Variants in USP25 observed in about 807,000 individuals in gnomAD.
The protein encoded by USP25 is ubiquitin specific peptidase 25, also known as ubiquitin carboxyl-terminal hydrolase 25.
In USP25, 85 loss-of-function variants were observed where a neutral mutation model predicts 158.5. The observed-to-expected ratio is 0.54, with a 90% confidence interval of 0.45 to 0.64. The LOEUF (loss-of-function observed/expected upper bound fraction) is 0.64, where lower values mean the gene tolerates loss of function less well. Among genes scored for constraint, USP25 ranks in the 30% least tolerant of loss-of-function variants. The pLI, the probability that USP25 is intolerant of heterozygous loss-of-function variation, is 0.00. For synonymous variants in USP25, 464 were observed against 460.4 expected (o/e 1.01, Z -0.10); for missense variants, 1,242 against 1,327.3 (o/e 0.94, Z 1.00).
At chr21:15,828,668 T>C (rs910005819) in intron 14 of USP25, among the ~76,000 whole-genome samples, 2 of 152,224 alleles carry the variant, frequency 1.3e-5, no homozygotes, top group African/African-American at 4.8e-5. Flanking sequence ...AGACGGAGTC[T>C]CGCTCTGTCA....
chr21:15,783,592 A>G (rs2035092806), intron 4 of USP25, among the ~76,000 whole-genome samples: 1 of 152,132 alleles, frequency 6.6e-6, no homozygotes, highest in African/African-American at 2.4e-5. Context: ...CAGTGCTGGG[A>G]AAAAATAAAA....
intron 3 of USP25, among the ~76,000 whole-genome samples, chr21:15,774,562 C>G (rs1016252818): frequency 2.0e-5 from 3 of 152,016 alleles, no homozygotes; most frequent in South Asian, 2.1e-4. Flanking sequence ...GTTAGTTTTT[C>G]TTTTAAATAA....
chr21:15,797,304 A>G lies in USP25; in HGVS notation c.556-2453A>G, dbSNP rs1024537028. On this transcript the variant is annotated intron_variant, in intron 5 of 25. Coordinates refer to ENST00000400183, the MANE Select transcript of USP25 (RefSeq NM_001283041.3). The stretch of plus-strand genomic sequence containing the variant: ...AATAGGAATCAAATAGTATAAACAT[A>G]AAGAATACTGCACCAAAGTACATCA... 1.9e-4 allele frequency among the ~76,000 whole-genome samples: 29 copies of G among 151,420 alleles called. 1 individual carries two copies. Among genetic ancestry groups the G allele is most frequent in the Non-Finnish European group, 1.2e-4 (8 of 67,512 alleles).
At chr21:15,814,159 G>A (rs1440415961) in intron 9 of USP25, among the ~76,000 whole-genome samples, 1 of 149,390 alleles carries the variant, frequency 6.7e-6, no homozygotes, top group African/African-American at 2.5e-5. Flanking sequence ...TTTATCTGGG[G>A]TTTCCACTTT....
At chr21:15,815,435 G>A (rs931449893) in intron 9 of USP25, among the ~76,000 whole-genome samples, 2 of 152,290 alleles carry the variant, frequency 1.3e-5, no homozygotes, top group Non-Finnish European at 1.5e-5. Context: ...CTTGCATTGT[G>A]TACCTGGAAA....
intron 22 of USP25, among the ~76,000 whole-genome samples, chr21:15,868,779 G>A (rs947579421): frequency 2.6e-5 from 4 of 152,020 alleles, no homozygotes; most frequent in African/African-American, 9.7e-5. Flanking sequence ...AATATTATCT[G>A]GCCTTTTACA....
chr21:15,847,575 G>A (rs2038682026), intron 18 of USP25, 88 bp from the exon 19 acceptor site: 2 of 852,108 alleles, frequency 2.3e-6, no homozygotes, highest in African/African-American at 3.4e-5. Context: ...GCTGCTTAGG[G>A]ATGTGCAGGT....
rs140806287 is a variant in USP25, at chr21:15,866,799, A to C, written c.2805+455A>C. Among the ~76,000 whole-genome samples, 26 of 152,278 alleles carry C rather than the reference A, an allele frequency of 1.7e-4. 1 individual carries two copies. The highest frequency in any genetic ancestry group is 1.6e-3 in the Admixed American group (25 of 15,292). ...CAGACAGTAACACTGTAAGATAGGT[A>C]GTGTTCTTATTCCCATTTGACACAC... On this transcript the variant is annotated intron_variant, in intron 22 of 25. Coordinates refer to ENST00000400183, the MANE Select transcript of USP25 (RefSeq NM_001283041.3).
chr21:15,855,859 T>C (rs1276096330), intron 20 of USP25, among the ~76,000 whole-genome samples: 3 of 152,248 alleles, frequency 2.0e-5, no homozygotes, highest in Non-Finnish European at 4.4e-5. Flanking sequence ...TATCTGGACT[T>C]CTAACAACAT....
rs150578833 is a variant in USP25 at position 15,827,044 on chromosome 21, A to G, written c.1534A>G (p.Ile512Val). ...CACATCACCTTCATCAGTTGCTGCCATTTCATCGAGATCAGTAATACACAA... is the reference window on the plus strand; with the variant it reads ...CACATCACCTTCATCAGTTGCTGCCGTTTCATCGAGATCAGTAATACACAA... ...PSTSPSSVAAISSRSVIHKPF... is the reference protein window; with the variant it reads ...PSTSPSSVAAVSSRSVIHKPF... Residue 512 changes from isoleucine to valine, a missense_variant, in exon 14 of 26, where the codon ATT (isoleucine) becomes GTT (valine). Physicochemically the swap from Ile to Val is conservative, Grantham distance 29 (BLOSUM62 3). This residue lies in a region of USP25 where 627 missense variants were observed against 701.4 expected (regional missense o/e 0.89). Transcript: ENST00000400183. The G allele has an allele frequency of 1.1e-5, 18 of 1,614,018 alleles. No individual in the cohort carries two copies. The highest frequency in any genetic ancestry group is 3.3e-5 in the South Asian group (3 of 91,080).
chr21:15,796,089 G>C lies in USP25; in HGVS notation c.556-3668G>C, dbSNP rs78882443. 8.2e-3 allele frequency among the ~76,000 whole-genome samples: 1,247 copies of C among 151,554 alleles called. 13 individuals carry two copies. Among genetic ancestry groups the C allele is most frequent in the African/African-American group, 0.026 (1,075 of 41,422 alleles). On this transcript the variant is annotated intron_variant, in intron 5 of 25. Transcript: ENST00000400183. ...AGTGCTTTTCAAAATTCACATATTA[G>C]CTTTGGACTGAATGAAAGGATGGTT...
intron 4 of USP25, among the ~76,000 whole-genome samples, chr21:15,789,455 A>T (rs1318872238): frequency 1.3e-5 from 2 of 152,166 alleles, no homozygotes; most frequent in South Asian, 2.1e-4. Flanking sequence ...ATTAAGAAGG[A>T]TTTGTTTCTT....
chr21:15,832,337 A>G (rs1304486072), intron 16 of USP25, among the ~76,000 whole-genome samples: 1 of 152,232 alleles, frequency 6.6e-6, no homozygotes, highest in Non-Finnish European at 1.5e-5. Flanking sequence ...ATATTCTGAT[A>G]TATGCTTTGC....
chr21:15,788,272 C>T (rs960545216), intron 4 of USP25, among the ~76,000 whole-genome samples: 1 of 151,668 alleles, frequency 6.6e-6, no homozygotes, highest in South Asian at 2.1e-4. Context: ...AGGGGAGGAA[C>T]CCTTATGCAG....
chr21:15,847,309 A>G (rs1197200295), intron 18 of USP25, among the ~76,000 whole-genome samples: 1 of 152,184 alleles, frequency 6.6e-6, no homozygotes, highest in Admixed American at 6.5e-5. Flanking sequence ...TATCTTAAGT[A>G]CTTAAAGTTC....
At chr21:15,853,146 CAG>C (rs772414399) in intron 20 of USP25, among the ~76,000 whole-genome samples, 40 of 152,176 alleles carry the variant, frequency 2.6e-4, no homozygotes, top group Non-Finnish European at 5.6e-4. Flanking sequence ...TGCACATATA[CAG>C]AGACTTAAAA....
chr21:15,737,818 T>C (rs1288245391), intron 1 of USP25, among the ~76,000 whole-genome samples: 1 of 152,162 alleles, frequency 6.6e-6, no homozygotes, highest in Non-Finnish European at 1.5e-5. Flanking sequence ...ACCAGAAGTG[T>C]TTTGGATTTT....
intron 17 of USP25, among the ~76,000 whole-genome samples, chr21:15,840,075 A>C (rs2242681): frequency 0.078 from 11,797 of 152,030 alleles, 514 homozygotes; most frequent in East Asian, 0.099. Context: ...TCCAGTGTAG[A>C]GTCTCATATA....
intron 1 of USP25, among the ~76,000 whole-genome samples, chr21:15,736,298 G>T (rs907548083): frequency 5.3e-5 from 8 of 152,020 alleles, no homozygotes; most frequent in Non-Finnish European, 1.0e-4. Flanking sequence ...GGGTTTCATC[G>T]TGTTGGCCAG....
Sources: allele counts gnomAD v4.1 joint callset (sites outside exome capture counted in the v4.1 genomes callset), GRCh38; gene constraint gnomAD v4.1.1; regional missense constraint gnomAD v4.1.1; transcripts MANE v1.5; gene names NCBI Gene and HGNC (gene_info 2026-07-23, HGNC 2026-07-21).